SYNPR: variants seen among roughly 807,000 people sequenced by gnomAD.
SYNPR encodes synaptoporin.
Under a neutral mutation model 32.9 loss-of-function variants are expected in SYNPR, and 23 were observed. That is an observed-to-expected ratio of 0.70 (90% CI 0.50 to 0.99). SYNPR has a LOEUF of 0.99. Ranked by LOEUF, SYNPR falls within the 50% of genes least tolerant of loss-of-function variation. The pLI is 0.00. For synonymous variants in SYNPR, 146 were observed against 135.9 expected (o/e 1.07, Z -0.52); for missense variants, 318 against 349.3 (o/e 0.91, Z 0.71).
At chr3:63,405,741 T>A (rs2088351543) in intron 2 of SYNPR, among the ~76,000 whole-genome samples, 1 of 152,056 alleles carries the variant, frequency 6.6e-6, no homozygotes, top group Non-Finnish European at 1.5e-5. Context: ...GAGTCAGAGA[T>A]GGGGTGGCAT....
At chr3:63,426,036 C>T (rs140691538) in intron 2 of SYNPR, among the ~76,000 whole-genome samples, 3,281 of 152,128 alleles carry the variant, frequency 0.022, 41 homozygotes, top group Non-Finnish European at 0.026. Flanking sequence ...CCACCCGCCT[C>T]GACCTCCCAA....
intron 3 of SYNPR, among the ~76,000 whole-genome samples, chr3:63,270,299 C>A (rs1195779948): frequency 6.6e-6 from 1 of 152,164 alleles, no homozygotes; most frequent in Non-Finnish European, 1.5e-5. Flanking sequence ...TGCTCCCCAG[C>A]TATCAGGGAG....
chr3:63,464,372 G>A (rs925078732), intron 2 of SYNPR, among the ~76,000 whole-genome samples: 10 of 152,098 alleles, frequency 6.6e-5, no homozygotes, highest in Non-Finnish European at 1.2e-4. Context: ...AACCAGGCAA[G>A]GAAAATTATG....
At chr3:63,526,583 T>C (rs1402084593) in intron 3 of SYNPR, among the ~76,000 whole-genome samples, 4 of 152,226 alleles carry the variant, frequency 2.6e-5, no homozygotes, top group African/African-American at 4.8e-5. Context: ...CAAGCGACAC[T>C]AGATTTCTGT....
intron 4 of SYNPR, among the ~76,000 whole-genome samples, chr3:63,557,652 A>G (rs1270029405): frequency 6.6e-6 from 1 of 152,222 alleles, no homozygotes; most frequent in Non-Finnish European, 1.5e-5. Context: ...TTGATTGATC[A>G]TTAAAAAATA....
chr3:63,605,970 G>A (rs547225989), intron 4 of SYNPR, among the ~76,000 whole-genome samples: 5 of 152,262 alleles, frequency 3.3e-5, no homozygotes, highest in South Asian at 2.1e-4. Context: ...GCTTTTATTC[G>A]TGATATAAAA....
chr3:63,349,287 G>C (rs532815840), intron 2 of SYNPR, among the ~76,000 whole-genome samples: 26 of 152,180 alleles, frequency 1.7e-4, no homozygotes, highest in African/African-American at 6.3e-4. Flanking sequence ...ATTTTTAGTA[G>C]AGACGGGTTT....
intron 2 of SYNPR, among the ~76,000 whole-genome samples, chr3:63,427,928 C>T (rs909453174): frequency 1.3e-5 from 2 of 152,188 alleles, no homozygotes; most frequent in Non-Finnish European, 1.5e-5. Context: ...AATAATGATT[C>T]CTTCAGTGCC....
the SYNPR span, among the ~76,000 whole-genome samples, chr3:63,201,993 ATATTAAC>A: frequency 1.9e-4 from 29 of 152,170 alleles, no homozygotes; most frequent in South Asian, 5.6e-3. Context: ...GATAATCTTT[ATATTAAC>A]TATTAATATC....
At chr3:63,292,291 C>T (rs2086747827) in intron 2 of SYNPR, among the ~76,000 whole-genome samples, 2 of 152,078 alleles carry the variant, frequency 1.3e-5, no homozygotes, top group South Asian at 4.1e-4. Context: ...ATGTATATAG[C>T]ATGTAATGCT....
intron 3 of SYNPR, among the ~76,000 whole-genome samples, chr3:63,509,437 C>A (rs918363711): frequency 6.6e-6 from 1 of 151,822 alleles, no homozygotes; most frequent in Non-Finnish European, 1.5e-5. Context: ...TAAGGAAGTT[C>A]TAATATCTCT....
intron 3 of SYNPR, among the ~76,000 whole-genome samples, chr3:63,484,210 G>A (rs944547352): frequency 1.3e-5 from 2 of 152,036 alleles, no homozygotes; most frequent in Non-Finnish European, 2.9e-5. Flanking sequence ...GTATCATATT[G>A]TTATAGAAAT....
intron 2 of SYNPR, among the ~76,000 whole-genome samples, chr3:63,439,364 T>C (rs1299869708): frequency 6.6e-6 from 1 of 152,240 alleles, no homozygotes; most frequent in East Asian, 1.9e-4. Flanking sequence ...GTAGCAACAA[T>C]GTGAATATCA....
chr3:63,207,034 G>A, the SYNPR span, among the ~76,000 whole-genome samples: 1 of 152,348 alleles, frequency 6.6e-6, no homozygotes, highest in African/African-American at 2.4e-5. Flanking sequence ...CAGGGAGAAG[G>A]AGAGAGGAAG....
At chr3:63,586,099 G>A (rs2106869224) in intron 4 of SYNPR, among the ~76,000 whole-genome samples, 1 of 152,168 alleles carries the variant, frequency 6.6e-6, no homozygotes. Context: ...TAAAGCACAG[G>A]ATAATTTCCT....
intron 2 of SYNPR, among the ~76,000 whole-genome samples, chr3:63,388,335 G>T (rs2088082403): frequency 6.7e-6 from 1 of 150,086 alleles, no homozygotes; most frequent in African/African-American, 2.5e-5. Context: ...TTATAAACTG[G>T]ACCTCATTTA....
chr3:63,251,872 TCA>T (rs201008349), intron 1 of SYNPR, among the ~76,000 whole-genome samples: 2,205 of 152,012 alleles, frequency 0.015, 54 homozygotes, highest in African/African-American at 0.051. Flanking sequence ...AACCCTGAAC[TCA>T]CACAGATCAC....
At chr3:63,226,594 C>T (rs1364460310), upstream of SYNPR, among the ~76,000 whole-genome samples, 2 of 152,058 alleles carry the variant, frequency 1.3e-5, no homozygotes, top group African/African-American at 4.8e-5. Context: ...GTGAGACAAG[C>T]TGGGTACAGA....
chr3:63,517,752 C>T (rs140714352), intron 3 of SYNPR, among the ~76,000 whole-genome samples: 1 of 152,090 alleles, frequency 6.6e-6, no homozygotes, highest in Non-Finnish European at 1.5e-5. Flanking sequence ...GGTCACACTT[C>T]GTTTATCTGA....
Sources: allele counts gnomAD v4.1 joint callset (sites outside exome capture counted in the v4.1 genomes callset), GRCh38; gene constraint gnomAD v4.1.1; transcripts MANE v1.5; gene names NCBI Gene and HGNC (gene_info 2026-07-23, HGNC 2026-07-21).